Variants in MCF2 observed in about 807,000 individuals in gnomAD.
The protein encoded by MCF2 is proto-oncogene DBL.
MCF2 carries 44 observed loss-of-function variants against 82.5 expected under a neutral mutation model. The ratio of observed to expected loss-of-function variants is 0.53; its 90% CI spans 0.42 to 0.69. MCF2 has a LOEUF of 0.69. MCF2 is among the 30% of genes least tolerant of loss of function. The pLI is 0.00. For missense variants in MCF2, 623 were observed against 663.1 expected, an observed-to-expected ratio of 0.94 and a Z score of 0.66; for synonymous variants, 217 against 224.9, an observed-to-expected ratio of 0.96 and a Z score of 0.32.
At chrX:139,699,961 G>T (rs1383881668) in intron 1 of MCF2, among the ~76,000 whole-genome samples, 1 of 111,771 alleles carries the variant, frequency 8.9e-6, no homozygotes, top group East Asian at 2.8e-4. Flanking sequence ...GCCTCTTATT[G>T]TTGTTGAAAT....
At chrX:139,636,225 C>T (rs938683626) in intron 1 of MCF2, among the ~76,000 whole-genome samples, 1 of 110,681 alleles carries the variant, frequency 9.0e-6, no homozygotes, top group Non-Finnish European at 1.9e-5. Context: ...GTGGAAAGCA[C>T]AGATTCTATT....
upstream of MCF2, among the ~76,000 whole-genome samples, chrX:139,643,966 C>T (rs1057086551): frequency 1.3e-4 from 14 of 111,668 alleles, no homozygotes; most frequent in Non-Finnish European, 2.3e-4. Flanking sequence ...TCTAATGTAA[C>T]AAGTGCTTTA....
At chrX:139,622,800 G>A (rs1932502264) in intron 6 of MCF2, among the ~76,000 whole-genome samples, 1 of 109,951 alleles carries the variant, frequency 9.1e-6, no homozygotes. Flanking sequence ...GTTAATAGGT[G>A]TAGCACACCA....
chrX:139,638,761 G>A (rs1933383927), intron 1 of MCF2, among the ~76,000 whole-genome samples: 2 of 111,870 alleles, frequency 1.8e-5, no homozygotes, highest in Non-Finnish European at 3.8e-5. Flanking sequence ...AAGCTTCATA[G>A]ATCTGAACAT....
chrX:139,660,653 C>T (rs1391749879), intron 1 of MCF2, among the ~76,000 whole-genome samples: 1 of 112,476 alleles, frequency 8.9e-6, no homozygotes. Context: ...GAAACCATCA[C>T]AAAATGAATT....
intron 19 of MCF2, among the ~76,000 whole-genome samples, chrX:139,595,580 G>A (rs1939256723): frequency 1.3e-5 from 1 of 76,227 alleles, no homozygotes; most frequent in Non-Finnish European, 2.4e-5. Flanking sequence ...ACTGTTGTGG[G>A]GTGGGGGGAG....
chrX:139,696,270 C>T (rs144400468), intron 1 of MCF2, among the ~76,000 whole-genome samples: 57 of 100,319 alleles, frequency 5.7e-4, no homozygotes, highest in African/African-American at 1.6e-3. Context: ...CCTCCCTTCC[C>T]TCCCTCCCTC....
At chrX:139,594,308 C>T (rs1355817133) in intron 19 of MCF2, among the ~76,000 whole-genome samples, 1 of 111,269 alleles carries the variant, frequency 9.0e-6, no homozygotes, top group East Asian at 2.8e-4. Flanking sequence ...AGGCATCACG[C>T]TACCTGACTT....
intron 21 of MCF2, 83 bp from the exon 26 acceptor site, chrX:139,587,871 A>C: frequency 2.5e-6 from 1 of 404,331 alleles, no homozygotes; most frequent in Non-Finnish European, 4.2e-6. Context: ...TCTCTCTCAC[A>C]CACACACACA....
intron 1 of MCF2, among the ~76,000 whole-genome samples, chrX:139,654,223 T>A (rs1188390621): frequency 9.0e-6 from 1 of 111,721 alleles, no homozygotes; most frequent in East Asian, 2.8e-4. Flanking sequence ...CTCCATACTG[T>A]TCTTCATAGT....
chrX:139,673,830 G>A (rs1015408665), intron 1 of MCF2, among the ~76,000 whole-genome samples: 1 of 111,682 alleles, frequency 9.0e-6, no homozygotes, highest in African/African-American at 3.3e-5. Flanking sequence ...TGTCTATTAG[G>A]TCTGCTTGCT....
chrX:139,630,536 A>G (rs1356679608), intron 3 of MCF2, among the ~76,000 whole-genome samples: 2 of 112,467 alleles, frequency 1.8e-5, no homozygotes, highest in African/African-American at 3.2e-5. Context: ...TTGTTTATTT[A>G]TAGCATTACA....
chrX:139,651,899 G>T, intron 1 of MCF2, 111 bp from the exon 2 acceptor site: 1 of 453,999 alleles, frequency 2.2e-6, no homozygotes, highest in Non-Finnish European at 3.8e-6. Context: ...AGCCCCACAG[G>T]TCTGTGTCCA....
chrX:139,646,450 T>C (rs1477186817), upstream of MCF2, among the ~76,000 whole-genome samples: 1 of 112,165 alleles, frequency 8.9e-6, no homozygotes, highest in African/African-American at 3.2e-5. Context: ...TCAGAAGAAA[T>C]GAAAAATGGC....
intron 4 of MCF2, 96 bp downstream of exon 7, chrX:139,629,599 C>G: frequency 1.3e-6 from 1 of 771,859 alleles, no homozygotes; most frequent in Non-Finnish European, 1.9e-6. Flanking sequence ...TCTTTTATCT[C>G]CCCTTATGCA....
intron 22 of MCF2, among the ~76,000 whole-genome samples, chrX:139,586,824 C>A (rs1417118866): frequency 9.0e-6 from 1 of 111,247 alleles, no homozygotes; most frequent in Non-Finnish European, 1.9e-5. Context: ...AAGATGAAAC[C>A]TTCAACTGAT....
upstream of MCF2, chrX:139,645,494 T>A (rs1393821716): frequency 1.7e-6 from 1 of 594,635 alleles, no homozygotes; most frequent in Admixed American, 3.3e-5. Flanking sequence ...ACCAAAGTAA[T>A]CTATACCTCC....
intron 4 of MCF2, among the ~76,000 whole-genome samples, chrX:139,628,055 G>GA (rs1335055686): frequency 8.9e-6 from 1 of 112,073 alleles, no homozygotes; most frequent in Non-Finnish European, 1.9e-5. Flanking sequence ...AGTCACTGTG[G>GA]AAAGCAGTCT....
At chrX:139,632,978 A>G (rs1326520604) in intron 1 of MCF2, among the ~76,000 whole-genome samples, 1 of 111,947 alleles carries the variant, frequency 8.9e-6, no homozygotes, top group East Asian at 2.8e-4. Flanking sequence ...TAGGCATTGA[A>G]TGTTCACAAA....
Sources: gnomAD v4.1 joint callset for allele counts (sites outside exome capture counted in the v4.1 genomes callset) on GRCh38, gnomAD v4.1.1 for gene constraint, MANE v1.5 for transcripts, NCBI Gene and HGNC (gene_info 2026-07-23, HGNC 2026-07-21) for gene names.